Variants in LIMCH1 observed in about 807,000 individuals in gnomAD.
LIMCH1 encodes LIM and calponin homology domains-containing protein 1.
A neutral mutation model predicts 176.5 loss-of-function variants in LIMCH1; 113 were observed. The observed-to-expected ratio is 0.64, with a 90% confidence interval of 0.55 to 0.75. LIMCH1 has a LOEUF of 0.75. LIMCH1 is among the 30% of genes least tolerant of loss of function. LIMCH1 has a pLI of 0.00. For missense variants in LIMCH1, 1,674 were observed against 1,814.9 expected (o/e 0.92, Z 1.41); for synonymous variants, 619 against 645.9 (o/e 0.96, Z 0.63).
intron 2 of LIMCH1, among the ~76,000 whole-genome samples, chr4:41,600,129 T>C (rs978390609): frequency 1.3e-5 from 2 of 152,190 alleles, no homozygotes; most frequent in African/African-American, 2.4e-5. Context: ...TAGTGATCTG[T>C]TATCTAAAAG....
rs112816001 is a variant in LIMCH1, at chr4:41,635,553, A to G, written c.2090+1745A>G. Among the ~76,000 whole-genome samples, 1,234 of 152,208 alleles carry G rather than the reference A, an allele frequency of 8.1e-3. 15 individuals are homozygous for G. The highest frequency in any genetic ancestry group is 0.028 in the African/African-American group (1,163 of 41,536). Reference sequence around the variant, plus strand: ...TGTCACTCTTTGTGATTCTGGAAAGATTCCTCTTTATTTTCACATGGGAAT... The same window carrying G: ...TGTCACTCTTTGTGATTCTGGAAAGGTTCCTCTTTATTTTCACATGGGAAT... On this transcript the variant is annotated intron_variant, in intron 13 of 31. Transcript: ENST00000503057.
Position 41,662,818 on chromosome 4 carries a change from C to G in LIMCH1, c.3128-3C>G. On this transcript the variant is annotated splice_region_variant and splice_polypyrimidine_tract_variant and intron_variant, in intron 19 of 31. Coordinates refer to ENST00000503057, the MANE Select transcript of LIMCH1 (RefSeq NM_001330672.2). ...TACGTTTCTGGATGTAACTCCATTG[C>G]AGAACCACAGCATTTTACAACAACT... The G allele has an allele frequency of 1.9e-6, 3 of 1,613,880 alleles. No individual in the cohort carries two copies. The highest frequency in any genetic ancestry group is 2.5e-6 in the Non-Finnish European group (3 of 1,179,880).
At chr4:41,483,738 C>T (rs1283060073) in intron 1 of LIMCH1, among the ~76,000 whole-genome samples, 1 of 152,196 alleles carries the variant, frequency 6.6e-6, no homozygotes, top group South Asian at 2.1e-4. Flanking sequence ...CCTGGAGCGC[C>T]CTACTTCATC....
At chr4:41,565,384 T>TACACACACAC (rs897890089) in intron 1 of LIMCH1, among the ~76,000 whole-genome samples, 10 of 100,332 alleles carry the variant, frequency 1.0e-4, no homozygotes, top group African/African-American at 5.0e-4. Flanking sequence ...CACACACACA[T>TACACACACAC]ACACACACAC....
chr4:41,668,836 GA>G (rs1369232313), intron 21 of LIMCH1, among the ~76,000 whole-genome samples: 1 of 152,156 alleles, frequency 6.6e-6, no homozygotes, highest in Non-Finnish European at 1.5e-5. Context: ...AGAGCAACGG[GA>G]CATCTTACAT....
intron 1 of LIMCH1, among the ~76,000 whole-genome samples, chr4:41,406,363 G>T (rs2058961992): frequency 6.6e-6 from 1 of 152,142 alleles, no homozygotes; most frequent in Admixed American, 6.5e-5. Flanking sequence ...AAATTATCTA[G>T]AATAGCTGTA....
chr4:41,675,703 G>A (rs557402824), intron 22 of LIMCH1, among the ~76,000 whole-genome samples: 4 of 151,822 alleles, frequency 2.6e-5, no homozygotes, highest in Admixed American at 2.6e-4. Flanking sequence ...CTGTGGCCTG[G>A]GCACCTGCTT....
chr4:41,641,769 A>G (rs2093833358), intron 14 of LIMCH1, among the ~76,000 whole-genome samples: 1 of 152,232 alleles, frequency 6.6e-6, no homozygotes, highest in Non-Finnish European at 1.5e-5. Flanking sequence ...TTGTGGGGTC[A>G]TGTCAGCATT....
At chr4:41,660,290 A>AT (rs200789292) in intron 18 of LIMCH1, among the ~76,000 whole-genome samples, 4 of 152,102 alleles carry the variant, frequency 2.6e-5, no homozygotes, top group African/African-American at 7.2e-5. Flanking sequence ...AGTTGTTTCA[A>AT]TTTTTTTTAC....
intron 1 of LIMCH1, among the ~76,000 whole-genome samples, chr4:41,457,006 C>A (rs191327167): frequency 1.3e-5 from 2 of 152,256 alleles, no homozygotes; most frequent in East Asian, 3.9e-4. Context: ...AGGCTAAGAC[C>A]ATCAGAGCTT....
chr4:41,606,075 T>G, intron 4 of LIMCH1, 71 bp downstream of exon 4: 1 of 1,050,532 alleles, frequency 9.5e-7, no homozygotes, highest in Admixed American at 1.9e-5. Context: ...TGCTTGTTTT[T>G]AAGATTACTA....
At chr4:41,410,491 A>G (rs1044578485) in intron 1 of LIMCH1, among the ~76,000 whole-genome samples, 5 of 152,102 alleles carry the variant, frequency 3.3e-5, no homozygotes, top group Non-Finnish European at 5.9e-5. Flanking sequence ...TGTTTTCTTC[A>G]ATGGTCCTTC....
rs2071025715 is a variant in LIMCH1, at chr4:41,491,611, G to A, written c.97-2925G>A. On this transcript the variant is annotated intron_variant, in intron 1 of 26. Transcript: ENST00000313860. ...CAGAGACGCTCCTCACTTCCTAGAT[G>A]GGGTGGCGATTGGGCAGAGGTGCTC... Among the ~76,000 whole-genome samples the A allele has an allele frequency of 1.4e-5, 2 of 147,178 alleles. 1 individual carries two copies. The highest frequency in any genetic ancestry group is 1.3e-4 in the Admixed American group (2 of 14,820).
At chr4:41,591,237 T>TGC (rs2087497792) in intron 1 of LIMCH1, among the ~76,000 whole-genome samples, 1 of 152,072 alleles carries the variant, frequency 6.6e-6, no homozygotes, top group African/African-American at 2.4e-5. Flanking sequence ...TTTTCTTTCT[T>TGC]TCTTTCTTGC....
chr4:41,442,921 A>G (rs551172281), intron 1 of LIMCH1, among the ~76,000 whole-genome samples: 1 of 152,214 alleles, frequency 6.6e-6, no homozygotes, highest in East Asian at 1.9e-4. Flanking sequence ...AAAGGGAAAC[A>G]TACAAATGTA....
chr4:41,666,119 A>G (rs2094813567), intron 20 of LIMCH1, among the ~76,000 whole-genome samples: 1 of 152,230 alleles, frequency 6.6e-6, no homozygotes, highest in Admixed American at 6.5e-5. Flanking sequence ...AATAATATCC[A>G]TTGAAAAGTA....
intron 1 of LIMCH1, among the ~76,000 whole-genome samples, chr4:41,543,755 C>T (rs776624958): frequency 1.3e-5 from 2 of 152,094 alleles, no homozygotes; most frequent in African/African-American, 2.4e-5. Context: ...AAAACAAAGG[C>T]GCCTCTGTGT....
chr4:41,682,750 C>T (rs1717235785), intron 26 of LIMCH1, among the ~76,000 whole-genome samples: 1 of 148,186 alleles, frequency 6.7e-6, no homozygotes, highest in East Asian at 2.0e-4. Context: ...GATCTTGGCT[C>T]ACTGCAACTG....
chr4:41,540,477 G>A (rs2078484861), intron 1 of LIMCH1, among the ~76,000 whole-genome samples: 1 of 152,164 alleles, frequency 6.6e-6, no homozygotes, highest in African/African-American at 2.4e-5. Flanking sequence ...AGTGGCTTAC[G>A]CCTGTAATCC....
Sources: gnomAD v4.1 joint callset for allele counts (sites outside exome capture counted in the v4.1 genomes callset) on GRCh38, gnomAD v4.1.1 for gene constraint, MANE v1.5 for transcripts, NCBI Gene and HGNC (gene_info 2026-07-23, HGNC 2026-07-21) for gene names.